KCNH1: variants seen among roughly 807,000 people sequenced by gnomAD.
KCNH1 encodes potassium voltage-gated channel subfamily H member 1, also known as voltage-gated delayed rectifier potassium channel KCNH1.
KCNH1 carries 27 observed loss-of-function variants against 69.2 expected under a neutral mutation model. The ratio of observed to expected loss-of-function variants is 0.39; its 90% CI spans 0.29 to 0.54. KCNH1 has a LOEUF of 0.54. Ranked by LOEUF, KCNH1 falls within the 20% of genes least tolerant of loss-of-function variation. The probability of loss-of-function intolerance (pLI) is 0.68; values close to 1 mark genes in which losing one functional copy is unlikely to be tolerated. For missense variants in KCNH1, 798 were observed against 1,261.6 expected (o/e 0.63, Z 5.57); for synonymous variants, 456 against 487.7 (o/e 0.93, Z 0.86).
intron 10 of KCNH1, among the ~76,000 whole-genome samples, chr1:210,699,862 G>A (rs1026665044): frequency 6.6e-6 from 1 of 152,182 alleles, no homozygotes; most frequent in Non-Finnish European, 1.5e-5. Flanking sequence ...CTACTAAGTG[G>A]TAGGGCCGGC....
At chr1:210,852,430 G>T (rs1685725512) in intron 7 of KCNH1, among the ~76,000 whole-genome samples, 1 of 152,196 alleles carries the variant, frequency 6.6e-6, no homozygotes, top group Non-Finnish European at 1.5e-5. Flanking sequence ...GTCAACATGG[G>T]CTGCATGCAA....
intron 7 of KCNH1, among the ~76,000 whole-genome samples, chr1:210,813,319 C>T (rs111620239): frequency 6.6e-6 from 1 of 152,186 alleles, no homozygotes; most frequent in African/African-American, 2.4e-5. Context: ...TCATCATGCA[C>T]AGAGGCCTTC....
intron 6 of KCNH1, among the ~76,000 whole-genome samples, chr1:211,018,316 T>A (rs1301556184): frequency 2.6e-5 from 4 of 152,184 alleles, no homozygotes; most frequent in African/African-American, 4.8e-5. Flanking sequence ...TCTCAAAATT[T>A]AACAGAAAAA....
chr1:210,953,587 T>A (rs1012848405), intron 6 of KCNH1, among the ~76,000 whole-genome samples: 1 of 152,190 alleles, frequency 6.6e-6, no homozygotes, highest in Non-Finnish European at 1.5e-5. Context: ...AGCATTTCAG[T>A]TGGTCTCCCT....
chr1:210,748,943 C>T (rs908237489), intron 10 of KCNH1, among the ~76,000 whole-genome samples: 2 of 152,206 alleles, frequency 1.3e-5, no homozygotes, highest in African/African-American at 4.8e-5. Flanking sequence ...AGGCTTTGGC[C>T]TTCTGGCTGT....
intron 6 of KCNH1, among the ~76,000 whole-genome samples, chr1:210,975,481 A>C (rs979469076): frequency 6.6e-6 from 1 of 152,206 alleles, no homozygotes; most frequent in Non-Finnish European, 1.5e-5. Flanking sequence ...CAAACCTGAC[A>C]AAAAAGAAGA....
chr1:210,824,834 C>T (rs1685002970), intron 7 of KCNH1, among the ~76,000 whole-genome samples: 1 of 152,128 alleles, frequency 6.6e-6, no homozygotes, highest in Non-Finnish European at 1.5e-5. Flanking sequence ...TTTTGAATGG[C>T]TCTTTTACCC....
intron 1 of KCNH1, among the ~76,000 whole-genome samples, chr1:211,117,725 G>A (rs1280330769): frequency 6.6e-6 from 1 of 152,192 alleles, no homozygotes. Context: ...TAGTCACAGT[G>A]TTGTCCCTAA....
intron 5 of KCNH1, among the ~76,000 whole-genome samples, chr1:211,068,163 T>G (rs998689555): frequency 6.6e-6 from 1 of 152,198 alleles, no homozygotes; most frequent in Non-Finnish European, 1.5e-5. Flanking sequence ...TTGTGTCAAT[T>G]TTTTCCTAGC....
At chr1:210,689,477 G>A (rs1318842335) in intron 10 of KCNH1, among the ~76,000 whole-genome samples, 1 of 152,282 alleles carries the variant, frequency 6.6e-6, no homozygotes, top group African/African-American at 2.4e-5. Context: ...GCACCCAAGT[G>A]GGAGCACATT....
At chr1:210,969,958 A>G (rs1033383165) in intron 6 of KCNH1, among the ~76,000 whole-genome samples, 2 of 152,052 alleles carry the variant, frequency 1.3e-5, no homozygotes, top group Non-Finnish European at 2.9e-5. Context: ...GTACAGTGAC[A>G]TGATATCTGC....
At chr1:210,942,642 G>T (rs1183982453) in intron 6 of KCNH1, among the ~76,000 whole-genome samples, 1 of 151,992 alleles carries the variant, frequency 6.6e-6, no homozygotes, top group East Asian at 1.9e-4. Context: ...TTGCAAACAA[G>T]CAGTCATATA....
chr1:210,876,021 C>T (rs1280482511), intron 7 of KCNH1, among the ~76,000 whole-genome samples: 1 of 152,020 alleles, frequency 6.6e-6, no homozygotes, highest in African/African-American at 2.4e-5. Flanking sequence ...AAATCATTAA[C>T]TATAAAACCC....
chr1:210,764,812 T>C (rs1317019751), intron 10 of KCNH1, among the ~76,000 whole-genome samples: 3 of 152,128 alleles, frequency 2.0e-5, no homozygotes, highest in Admixed American at 2.0e-4. Context: ...GATTCTCAAA[T>C]AGCTAAAAAT....
intron 6 of KCNH1, among the ~76,000 whole-genome samples, chr1:210,962,931 G>A (rs188672647): frequency 6.0e-5 from 9 of 150,758 alleles, no homozygotes; most frequent in South Asian, 2.1e-4. Context: ...GTATCGTTTC[G>A]TATGTTGGTA....
intron 10 of KCNH1, among the ~76,000 whole-genome samples, chr1:210,731,661 A>G (rs769198945): frequency 3.3e-5 from 5 of 152,208 alleles, no homozygotes; most frequent in African/African-American, 7.2e-5. Context: ...ATAAATCCAG[A>G]TTAAATTACC....
chr1:210,694,572 AG>A (rs1212758092), intron 10 of KCNH1, among the ~76,000 whole-genome samples: 1 of 152,162 alleles, frequency 6.6e-6, no homozygotes, highest in Non-Finnish European at 1.5e-5. Context: ...TCAGCCAGTG[AG>A]GGGTCTGCAG....
chr1:211,040,349 G>A (rs1427133381), intron 5 of KCNH1, among the ~76,000 whole-genome samples: 1 of 152,182 alleles, frequency 6.6e-6, no homozygotes, highest in Non-Finnish European at 1.5e-5. Flanking sequence ...GAATTCCCAT[G>A]TGTGGGAGGG....
intron 6 of KCNH1, among the ~76,000 whole-genome samples, chr1:211,018,472 T>C (rs1049498552): frequency 6.6e-6 from 1 of 152,246 alleles, no homozygotes; most frequent in Non-Finnish European, 1.5e-5. Context: ...ATATACTCAA[T>C]AGAAGACTTG....
Sources: gnomAD v4.1 joint callset for allele counts (sites outside exome capture counted in the v4.1 genomes callset) on GRCh38, gnomAD v4.1.1 for gene constraint, MANE v1.5 for transcripts, NCBI Gene and HGNC (gene_info 2026-07-23, HGNC 2026-07-21) for gene names.